Variants in COL24A1 observed in about 807,000 individuals in gnomAD.
COL24A1 encodes the protein collagen alpha-1(XXIV) chain.
COL24A1 carries 224 observed loss-of-function variants against 253.9 expected under a neutral mutation model. The ratio of observed to expected loss-of-function variants is 0.88; its 90% confidence interval spans 0.79 to 0.99. The LOEUF is 0.99. Ranked by LOEUF, COL24A1 falls within the 50% of genes least tolerant of loss-of-function variation. The pLI is 0.00. For missense variants in COL24A1, 2,131 were observed against 2,068.5 expected, an observed-to-expected ratio of 1.03 and a Z score of -0.59; for synonymous variants, 685 against 673.7, an observed-to-expected ratio of 1.02 and a Z score of -0.26.
At chr1:85,897,135 T>C (rs1036979364) in intron 28 of COL24A1, among the ~76,000 whole-genome samples, 7 of 152,116 alleles carry the variant, frequency 4.6e-5, no homozygotes, top group Admixed American at 2.0e-4. Flanking sequence ...TATTAGAAAA[T>C]GATAGCAATG....
chr1:85,858,557 A>C (rs1678719790), intron 37 of COL24A1, among the ~76,000 whole-genome samples: 1 of 151,740 alleles, frequency 6.6e-6, no homozygotes, highest in South Asian at 2.1e-4. Context: ...GACCACCCTA[A>C]ATAGGTAACC....
At position 86,092,284 on chromosome 1, in the gene COL24A1, G is replaced by T. The variant is rs11161732; in HGVS notation, c.1636C>A (p.Pro546Thr). Reference protein sequence around the residue: ...KGDPGFSPGQPVPGEKGDQGL... With the variant: ...KGDPGFSPGQTVPGEKGDQGL... Reference sequence around the variant, plus strand: ...ATAATTACCTTTTCTCCAGGAACAGGTTGACCTGGGGAAAATCCTGGATCT... The same window carrying T: ...ATAATTACCTTTTCTCCAGGAACAGTTTGACCTGGGGAAAATCCTGGATCT... Residue 546 changes from proline (P) to threonine (T), a missense_variant, in exon 6 of 60, where the codon CCT becomes ACT. Transcript: ENST00000370571. 81 of 1,599,794 alleles carry T rather than the reference G, an allele frequency of 5.1e-5. No homozygotes were observed. In the South Asian group the frequency reaches 8.8e-4, roughly 17 times the overall value.
At chr1:86,066,210 C>T (rs894531014) in intron 7 of COL24A1, among the ~76,000 whole-genome samples, 6 of 148,268 alleles carry the variant, frequency 4.0e-5, no homozygotes, top group Non-Finnish European at 7.4e-5. Context: ...TCACTCTTTT[C>T]CTTGAAATAT....
At chr1:85,804,774 C>T (rs902756681) in intron 47 of COL24A1, among the ~76,000 whole-genome samples, 1 of 152,006 alleles carries the variant, frequency 6.6e-6, no homozygotes, top group Non-Finnish European at 1.5e-5. Flanking sequence ...ATGGAAGCTA[C>T]AAGATGAGAT....
Position 85,948,262 on chromosome 1 carries a change from C to T in COL24A1, c.2562+12987G>A, listed in dbSNP as rs561120875. On this transcript the variant is annotated intron_variant, in intron 24 of 59. Transcript: ENST00000370571. ...CCATTAGGCCGGGCGCGGTGGCTCA[C>T]GCCTGTAATCCCAGCACTTTGGGAG... Among the ~76,000 whole-genome samples, 4 of 152,166 alleles carry T rather than the reference C, an allele frequency of 2.6e-5. No individual in the cohort carries two copies. In the East Asian group the frequency reaches 7.7e-4, roughly 29 times the overall value.
At chr1:85,827,095 G>A (rs1205639780) in intron 43 of COL24A1, among the ~76,000 whole-genome samples, 9 of 152,156 alleles carry the variant, frequency 5.9e-5, no homozygotes, top group Middle Eastern at 3.4e-3. Context: ...TTTGAGATAC[G>A]TCCCATCAAT....
intron 52 of COL24A1, among the ~76,000 whole-genome samples, chr1:85,776,513 A>G (rs201798124): frequency 6.7e-6 from 1 of 149,676 alleles, no homozygotes; most frequent in Admixed American, 6.7e-5. Flanking sequence ...GATACTATTC[A>G]TCTTTTCTGT....
rs1666851468 is a variant in COL24A1, at chr1:85,761,552, T to C, written c.4389A>G (p.Pro1463=). Residue 1463 remains proline (P), a synonymous_variant, in exon 54 of 60, where the codon CCA becomes CCG. Transcript: ENST00000370571. The part of the protein sequence containing the change: ...GFRGETGPQG[P]RGQPGPPGPP... ...TCACTGGAGGCCCTGGTTGACCTCTTGGTCCTTGAGGACCCTGGAAGAAAT... is the reference window on the plus strand; with the variant it reads ...TCACTGGAGGCCCTGGTTGACCTCTCGGTCCTTGAGGACCCTGGAAGAAAT... 6.2e-7 allele frequency: 1 copy of C among 1,614,142 alleles called. No individual in the cohort carries two copies. The highest frequency in any genetic ancestry group is 8.5e-7 in the Non-Finnish European group (1 of 1,179,978).
chr1:85,953,359 T>C (rs1690115806), intron 24 of COL24A1, among the ~76,000 whole-genome samples: 1 of 152,160 alleles, frequency 6.6e-6, no homozygotes, highest in Non-Finnish European at 1.5e-5. Flanking sequence ...TTTAGCAAAA[T>C]AAAGCCAGAG....
At chr1:85,995,993 G>A (rs1694756272) in intron 19 of COL24A1, among the ~76,000 whole-genome samples, 1 of 152,080 alleles carries the variant, frequency 6.6e-6, no homozygotes, top group Non-Finnish European at 1.5e-5. Context: ...CTCAGTCTCA[G>A]GTATTTCTTT....
intron 24 of COL24A1, among the ~76,000 whole-genome samples, chr1:85,922,416 G>A (rs1476563660): frequency 6.6e-6 from 1 of 152,224 alleles, no homozygotes; most frequent in Non-Finnish European, 1.5e-5. Flanking sequence ...GGCAGCCAGA[G>A]AGAAAGGTCA....
intron 43 of COL24A1, among the ~76,000 whole-genome samples, chr1:85,832,023 T>A (rs532095510): frequency 2.0e-5 from 3 of 152,184 alleles, no homozygotes; most frequent in South Asian, 2.1e-4. Context: ...CTGAATGGTA[T>A]TGCCTAGGTT....
chr1:85,945,313 C>T (rs2103235659), intron 24 of COL24A1, among the ~76,000 whole-genome samples: 1 of 151,486 alleles, frequency 6.6e-6, no homozygotes, highest in African/African-American at 2.4e-5. Flanking sequence ...GCCACTGCGC[C>T]CGGCCGAGAA....
chr1:85,956,453 A>G (rs909397449), intron 24 of COL24A1, among the ~76,000 whole-genome samples: 2 of 152,204 alleles, frequency 1.3e-5, no homozygotes, highest in Admixed American at 6.5e-5. Context: ...ATTATACATT[A>G]GCACACCAGA....
rs1195718289 is a variant in COL24A1 at position 85,888,325 on chromosome 1, C to A, written c.2976+1235G>T. On this transcript the variant is annotated intron_variant, in intron 32 of 59. Transcript: ENST00000370571. ...AATCTGATAATAAAGCTAGCCCGAGCCCTTTAATAACATCCTTTGTTCTAA... is the reference window on the plus strand; with the variant it reads ...AATCTGATAATAAAGCTAGCCCGAGACCTTTAATAACATCCTTTGTTCTAA... Among the ~76,000 whole-genome samples, 5 of 152,020 alleles carry A rather than the reference C, an allele frequency of 3.3e-5. No individual in the cohort carries two copies. The South Asian group carries it at 6.2e-4, about 19-fold the overall frequency.
In COL24A1 at chr1:86,126,118, T is replaced by C. The variant is rs771624123; in HGVS notation, c.218A>G (p.Gln73Arg). 6.2e-7 allele frequency: 1 copy of C among 1,612,316 alleles called. No homozygotes were observed. Among genetic ancestry groups the C allele is most frequent in the Non-Finnish European group, 8.5e-7 (1 of 1,179,566 alleles). The change falls in exon 3 of 60, where the codon CAG becomes CGG. Residue 73 changes from glutamine (Q) to arginine (R), a missense_variant. Physicochemically the swap from Gln to Arg is conservative, Grantham distance 43. Transcript: ENST00000370571. Reference sequence around the variant, plus strand: ...TCCTGATTCTGTTAAATGGACCCCCTGAGGTAACGGTGTAGATGCTGATGG... The same window carrying C: ...TCCTGATTCTGTTAAATGGACCCCCCGAGGTAACGGTGTAGATGCTGATGG... The part of the protein sequence containing the change: ...AVPSASTPLP[Q>R]GVHLTESGVI...
chr1:85,868,562 C>A lies in COL24A1; in HGVS notation c.3257G>T (p.Gly1086Val). 1 of 1,613,926 alleles carries A rather than the reference C, an allele frequency of 6.2e-7. No individual in the cohort carries two copies. Among genetic ancestry groups the A allele is most frequent in the Non-Finnish European group, 8.5e-7 (1 of 1,179,874 alleles). Residue 1086 changes from glycine (G) to valine (V), a missense_variant, in exon 37 of 60, where the codon GGA becomes GTA. Gly to Val is a moderately radical substitution (Grantham distance 109). Coordinates refer to ENST00000370571, the MANE Select transcript of COL24A1 (RefSeq NM_152890.7). ...TGATCTACCCAAGGGTCCTATAATT[C>A]CTGGTAAGCCCATCTCTCCTTTTTC... ...DGEKGEMGLP[G>V]IIGPLGRSGQ...
At chr1:86,107,990 T>C (rs755135993) in intron 5 of COL24A1, among the ~76,000 whole-genome samples, 1 of 152,174 alleles carries the variant, frequency 6.6e-6, no homozygotes, top group African/African-American at 2.4e-5. Flanking sequence ...TGTAAGTTTT[T>C]AAATCCCTCA....
chr1:86,110,193 TA>T (rs1314799568), intron 5 of COL24A1, among the ~76,000 whole-genome samples: 5 of 151,554 alleles, frequency 3.3e-5, no homozygotes, highest in African/African-American at 1.2e-4. Context: ...ATATATTTAA[TA>T]AAAATATATA....
Sources: gnomAD v4.1 joint callset for allele counts (sites outside exome capture counted in the v4.1 genomes callset) on GRCh38, gnomAD v4.1.1 for gene constraint, MANE v1.5 for transcripts, NCBI Gene and HGNC (gene_info 2026-07-23, HGNC 2026-07-21) for gene names.